Variants in BCAR3 observed in about 807,000 individuals in gnomAD.
The protein encoded by BCAR3 is BCAR3 adaptor protein, NSP family member.
Under a neutral mutation model 80.1 loss-of-function variants are expected in BCAR3, and 37 were observed. The observed-to-expected ratio is 0.46, with a 90% CI of 0.36 to 0.61. BCAR3 has a LOEUF of 0.61. Among genes scored for constraint, BCAR3 ranks in the 20% least tolerant of loss-of-function variants. The pLI is 0.00. For missense variants in BCAR3, 978 were observed against 1,068.2 expected (o/e 0.92, Z 1.18); for synonymous variants, 389 against 418.9 (o/e 0.93, Z 0.87).
At chr1:93,594,405 A>G (rs1674338350) in intron 3 of BCAR3, 1 of 152,240 alleles carries the variant, frequency 6.6e-6, no homozygotes, top group Non-Finnish European at 1.5e-5. Context: ...GTTCTGACCA[A>G]GGAGCTGAGA....
chr1:93,720,730 A>C (rs190553095), intron 2 of BCAR3, among the ~76,000 whole-genome samples: 77 of 152,372 alleles, frequency 5.1e-4, no homozygotes, highest in South Asian at 6.2e-4. Context: ...AAAAGGTAGA[A>C]AGGAGGAGGA....
At chr1:93,746,989 C>T (rs1023801342) in intron 2 of BCAR3, among the ~76,000 whole-genome samples, 1 of 152,166 alleles carries the variant, frequency 6.6e-6, no homozygotes, top group African/African-American at 2.4e-5. Context: ...CTCCTCTGTC[C>T]CTTAAATATT....
rs1313573598 is a variant in BCAR3, at chr1:93,582,496, C to A, written c.1491G>T (p.Gly497=). 6.2e-7 allele frequency: 1 copy of A among 1,614,160 alleles called. No homozygotes were observed. Among genetic ancestry groups the A allele is most frequent in the South Asian group, 1.1e-5 (1 of 91,080 alleles). Reference sequence around the variant, plus strand: ...TCACAAACTCGCCCTTGTCCCACTGCCCCTTCTCCATCTGAGCTGCCGCAG... The same window carrying A: ...TCACAAACTCGCCCTTGTCCCACTGACCCTTCTCCATCTGAGCTGCCGCAG... ...WEPAAAQMEK[G]QWDKGEFVTP... The change falls in exon 7 of 12, where the codon GGG becomes GGT. Residue 497 remains glycine (G), a synonymous_variant. Transcript: ENST00000260502.
At chr1:93,711,122 A>T (rs531378996) in intron 2 of BCAR3, among the ~76,000 whole-genome samples, 1 of 152,236 alleles carries the variant, frequency 6.6e-6, no homozygotes, top group African/African-American at 2.4e-5. Context: ...TAGAAGCTGC[A>T]GGCTTTTGTG....
chr1:93,781,656 T>G (rs957835864), intron 2 of BCAR3, among the ~76,000 whole-genome samples: 1 of 152,206 alleles, frequency 6.6e-6, no homozygotes, highest in Non-Finnish European at 1.5e-5. Context: ...CTTGCCTATC[T>G]ACAAAGCCCA....
intron 2 of BCAR3, among the ~76,000 whole-genome samples, chr1:93,776,548 G>A (rs79679496): frequency 0.011 from 1,741 of 152,188 alleles, 26 homozygotes; most frequent in African/African-American, 0.04. Context: ...TGGTTGTTAC[G>A]TCTATTATGT....
chr1:93,572,452 A>C (rs1363372798), intron 8 of BCAR3, among the ~76,000 whole-genome samples: 1 of 152,226 alleles, frequency 6.6e-6, no homozygotes, highest in Non-Finnish European at 1.5e-5. Context: ...ATGTGCCTGT[A>C]AGGCCAGACC....
intron 2 of BCAR3, among the ~76,000 whole-genome samples, chr1:93,774,335 T>G (rs1050853775): frequency 2.6e-5 from 4 of 151,906 alleles, no homozygotes; most frequent in Admixed American, 6.6e-5. Context: ...AATACAAAAA[T>G]TAGCCGGGCG....
chr1:93,679,384 G>A (rs988399998), intron 1 of BCAR3, among the ~76,000 whole-genome samples: 2 of 152,086 alleles, frequency 1.3e-5, no homozygotes, highest in Non-Finnish European at 2.9e-5. Flanking sequence ...GGAGGGAAAC[G>A]TTTTAACCTA....
intron 3 of BCAR3, among the ~76,000 whole-genome samples, chr1:93,698,580 G>A (rs1649513988): frequency 6.6e-6 from 1 of 152,146 alleles, no homozygotes; most frequent in African/African-American, 2.4e-5. Flanking sequence ...CGTGGCCAGA[G>A]GAGAGAAGGC....
chr1:93,729,430 G>T (rs1650706999), intron 2 of BCAR3, among the ~76,000 whole-genome samples: 2 of 152,246 alleles, frequency 1.3e-5, no homozygotes, highest in Admixed American at 1.3e-4. Context: ...TGGAATTACG[G>T]GTTCTACTGA....
At chr1:93,632,492 A>T (rs115476418) in intron 3 of BCAR3, among the ~76,000 whole-genome samples, 3,378 of 152,304 alleles carry the variant, frequency 0.022, 122 homozygotes, top group African/African-American at 0.075. Flanking sequence ...GTAAACTATA[A>T]TATTCAGTAG....
intron 2 of BCAR3, among the ~76,000 whole-genome samples, chr1:93,819,956 C>T (rs555165176): frequency 6.6e-6 from 1 of 152,198 alleles, no homozygotes; most frequent in South Asian, 2.1e-4. Context: ...GTCTGTTGTT[C>T]CCTCCTTTGT....
At chr1:93,695,144 T>A (rs1185809319) in intron 3 of BCAR3, among the ~76,000 whole-genome samples, 2 of 152,218 alleles carry the variant, frequency 1.3e-5, no homozygotes, top group Non-Finnish European at 2.9e-5. Context: ...GGCTTCCTTC[T>A]TCCTTCCCTG....
chr1:93,625,714 G>C (rs996080738), intron 3 of BCAR3, among the ~76,000 whole-genome samples: 16 of 152,206 alleles, frequency 1.1e-4, no homozygotes. Context: ...GACTCGAAAG[G>C]AAATTGCCTT....
At chr1:93,673,477 T>C (rs1161478190) in intron 2 of BCAR3, among the ~76,000 whole-genome samples, 1 of 152,174 alleles carries the variant, frequency 6.6e-6, no homozygotes, top group Non-Finnish European at 1.5e-5. Flanking sequence ...ATATAAATAT[T>C]GAACAAATAA....
intron 2 of BCAR3, among the ~76,000 whole-genome samples, chr1:93,790,400 T>C (rs1653100903): frequency 6.6e-6 from 1 of 152,150 alleles, no homozygotes; most frequent in Non-Finnish European, 1.5e-5. Context: ...TAATATCTAA[T>C]TGCTTAACTT....
chr1:93,612,392 C>T lies in BCAR3; in HGVS notation c.358-19999G>A, dbSNP rs539379833. On this transcript the variant is annotated intron_variant, in intron 3 of 11. Transcript: ENST00000260502. ...GCACAAGCTGAAGGACAGCTGGACC[C>T]GACTACCCCATATATTAAGTGGCCT... is the stretch of plus-strand genomic sequence containing the variant. Among the ~76,000 whole-genome samples the T allele has an allele frequency of 5.3e-5, 8 of 152,074 alleles. No homozygotes were observed. In the East Asian group the frequency reaches 5.8e-4, roughly 11 times the overall value.
chr1:93,605,979 C>T (rs757389273), intron 3 of BCAR3, among the ~76,000 whole-genome samples: 3 of 152,148 alleles, frequency 2.0e-5, no homozygotes, highest in Non-Finnish European at 4.4e-5. Context: ...AAAATAGTAC[C>T]ATGACTAACT....
Sources: gnomAD v4.1 joint callset for allele counts (sites outside exome capture counted in the v4.1 genomes callset) on GRCh38, gnomAD v4.1.1 for gene constraint, MANE v1.5 for transcripts, NCBI Gene and HGNC (gene_info 2026-07-23, HGNC 2026-07-21) for gene names.